PARP12: variants seen among roughly 807,000 people sequenced by gnomAD.
The protein encoded by PARP12 is poly(ADP-ribose) polymerase family member 12.
In PARP12, 59 loss-of-function variants were observed where a neutral mutation model predicts 72.4. The observed-to-expected ratio is 0.81, with a 90% CI of 0.66 to 1.01. The LOEUF (loss-of-function observed/expected upper bound fraction) is 1.01. Among genes scored for constraint, PARP12 ranks in the 50% least tolerant of loss-of-function variants. The probability of loss-of-function intolerance (pLI) is 0.00; values close to 1 mark genes in which losing one functional copy is unlikely to be tolerated. For missense variants in PARP12, 851 were observed against 914.0 expected, an observed-to-expected ratio of 0.93 and a Z score of 0.89; for synonymous variants, 403 against 371.4, an observed-to-expected ratio of 1.09 and a Z score of -0.98.
At chr7:140,039,258 A>G (rs1267710099) in intron 6 of PARP12, among the ~76,000 whole-genome samples, 2 of 152,130 alleles carry the variant, frequency 1.3e-5, no homozygotes, top group East Asian at 3.8e-4. Context: ...AAAGAAAACA[A>G]TCCCTCCCCT....
chr7:140,035,561 T>C (rs1219952651), intron 7 of PARP12, among the ~76,000 whole-genome samples: 1 of 152,224 alleles, frequency 6.6e-6, no homozygotes, highest in Admixed American at 6.5e-5. Context: ...CCTAACAGGA[T>C]GCTAGAATTC....
In PARP12 at chr7:140,036,001, GAAGGAGGA is replaced by G. The variant is rs1569526930; in HGVS notation, c.1325-1678_1325-1671del. ...AGGAGGAGGAGGAGGAGGAGGAGGAGAAGGAGGAGAAGGAGGAGAAGGAGGAGAAGGAG... is the reference window on the plus strand; with the variant it reads ...AGGAGGAGGAGGAGGAGGAGGAGGAGGAAGGAGGAGAAGGAGGAGAAGGAG... On this transcript the variant is annotated intron_variant, in intron 7 of 11. Transcript: ENST00000263549. Among the ~76,000 whole-genome samples the G allele has an allele frequency of 4.4e-3, 134 of 30,550 alleles. 34 individuals carry two copies. Among genetic ancestry groups the G allele is most frequent in the African/African-American group, 0.035 (129 of 3,660 alleles). The allele number at this position is 30,550 out of a possible 152,430, so 20.0% of individuals were successfully genotyped here.
chr7:140,031,957 C>T (rs1056208900), intron 8 of PARP12, among the ~76,000 whole-genome samples: 1 of 151,964 alleles, frequency 6.6e-6, no homozygotes, highest in Non-Finnish European at 1.5e-5. Flanking sequence ...AAAAGGCAAA[C>T]AACAAACTAA....
intron 4 of PARP12, 66 bp downstream of exon 4, chr7:140,054,596 C>G (rs746703709): frequency 7.8e-5 from 104 of 1,335,492 alleles, no homozygotes; most frequent in Non-Finnish European, 1.1e-4. Context: ...CTTCAGAGCA[C>G]AGCTCTGGGA....
chr7:140,036,031 GGAGGAGAAGGAGGAGA>G (rs1816178740), intron 7 of PARP12, among the ~76,000 whole-genome samples: 1 of 96,660 alleles, frequency 1.0e-5, no homozygotes. Context: ...AGGAGGAGAA[GGAGGAGAAGGAGGAGA>G]AGGAGGAGAA....
chr7:140,062,104 T>A (rs764315325), intron 1 of PARP12, among the ~76,000 whole-genome samples: 4 of 151,388 alleles, frequency 2.6e-5, no homozygotes, highest in Non-Finnish European at 4.4e-5. Flanking sequence ...ATTAATAGGG[T>A]TGAACTGGGT....
intron 7 of PARP12, among the ~76,000 whole-genome samples, chr7:140,035,667 C>T (rs1165213272): frequency 1.3e-5 from 2 of 152,206 alleles, no homozygotes; most frequent in Non-Finnish European, 2.9e-5. Context: ...TTCAGAACAA[C>T]TCATTTGGGC....
Position 140,023,968 on chromosome 7 carries a change from C to T in PARP12, c.*592G>A, listed in dbSNP as rs890855512. ...ACTTCCTTGGGCAATGGGTGACCCT[C>T]CCAGGACAAGGGGAACCAGCAGGGA... On this transcript the variant is annotated 3_prime_UTR_variant, in exon 12 of 12. Coordinates refer to ENST00000263549, the MANE Select transcript of PARP12 (RefSeq NM_022750.4). 1 of 165,674 alleles carries T rather than the reference C, an allele frequency of 6.0e-6. No homozygotes were observed. Among genetic ancestry groups the T allele is most frequent in the African/African-American group, 2.4e-5 (1 of 41,550 alleles). The allele number at this position is 165,674 out of a possible 1,614,324, so 10.3% of individuals were successfully genotyped here. A position where few individuals can be genotyped will look rare whatever the true frequency, so the allele number is the denominator to read the frequency against.
At chr7:140,032,773 T>C (rs1401419725) in intron 8 of PARP12, among the ~76,000 whole-genome samples, 1 of 152,140 alleles carries the variant, frequency 6.6e-6, no homozygotes, top group African/African-American at 2.4e-5. Flanking sequence ...TATGTATGTA[T>C]GCAAATGCTT....
chr7:140,026,151 G>C, intron 11 of PARP12, 46 bp downstream of exon 11: 1 of 1,613,730 alleles, frequency 6.2e-7, no homozygotes, highest in Non-Finnish European at 8.5e-7. Context: ...CCTATGCAGG[G>C]GCAAAGCAAC....
At chr7:140,054,140 G>T (rs6946039) in intron 4 of PARP12, among the ~76,000 whole-genome samples, 14 of 152,358 alleles carry the variant, frequency 9.2e-5, no homozygotes, top group African/African-American at 3.1e-4. Flanking sequence ...AATACAGACA[G>T]GCACATGCAC....
In PARP12 at chr7:140,036,017, GAGAAGGAGGAGAAGGAGGAGA is replaced by G. The variant is rs1816175411; in HGVS notation, c.1324+1677_1325-1687del. On this transcript the variant is annotated intron_variant, in intron 7 of 11. Transcript: ENST00000263549. ...GGAGGAGGAGAAGGAGGAGAAGGAG[GAGAAGGAGGAGAAGGAGGAGA>G]AGGAGGAGAAGGAGGAGAAGGAGGA... 2.6e-4 allele frequency among the ~76,000 whole-genome samples: 15 copies of G among 57,372 alleles called. 3 individuals carry two copies. The highest frequency in any genetic ancestry group is 1.6e-3 in the African/African-American group (13 of 8,328). The allele number at this position is 57,372 out of a possible 152,430, so 37.6% of individuals were successfully genotyped here.
intron 4 of PARP12, among the ~76,000 whole-genome samples, chr7:140,047,765 G>A (rs1448328794): frequency 1.3e-5 from 2 of 151,994 alleles, no homozygotes; most frequent in African/African-American, 2.4e-5. Flanking sequence ...TTACAGGTGT[G>A]CACCACCACA....
intron 8 of PARP12, among the ~76,000 whole-genome samples, chr7:140,032,244 C>A (rs946690303): frequency 3.3e-5 from 5 of 152,004 alleles, no homozygotes; most frequent in African/African-American, 1.2e-4. Flanking sequence ...GCATCTCATG[C>A]GTCCTAGTGG....
At chr7:140,058,066 G>A (rs757181879) in intron 1 of PARP12, 32 bp from the exon 2 acceptor site, 18 of 1,612,594 alleles carry the variant, frequency 1.1e-5, no homozygotes, top group East Asian at 6.7e-5. Flanking sequence ...GTTATATGTC[G>A]AATTGAGTCT....
chr7:140,030,096 CA>C (rs1481059508), intron 8 of PARP12, among the ~76,000 whole-genome samples: 2 of 152,116 alleles, frequency 1.3e-5, no homozygotes, highest in Non-Finnish European at 2.9e-5. Context: ...TGCCTACCTC[CA>C]AGACAAACAG....
chr7:140,041,348 A>G, intron 6 of PARP12: 1 of 272,792 alleles, frequency 3.7e-6, no homozygotes, highest in Admixed American at 4.8e-5. Flanking sequence ...CAACAAGAGA[A>G]ACATCTTTCT....
chr7:140,055,524 T>G (rs747745995), intron 3 of PARP12, among the ~76,000 whole-genome samples: 2 of 152,252 alleles, frequency 1.3e-5, no homozygotes, highest in Non-Finnish European at 2.9e-5. Context: ...TAGTGTCACC[T>G]GTCGTTATTC....
chr7:140,058,815 G>C (rs10435198), intron 1 of PARP12, among the ~76,000 whole-genome samples: 44,345 of 152,012 alleles, frequency 0.29, 7,395 homozygotes, highest in East Asian at 0.56. Context: ...CAGCATGTAG[G>C]CTGGGTATGG....
Sources: gnomAD v4.1 joint callset for allele counts (sites outside exome capture counted in the v4.1 genomes callset) on GRCh38, gnomAD v4.1.1 for gene constraint, MANE v1.5 for transcripts, NCBI Gene and HGNC (gene_info 2026-07-23, HGNC 2026-07-21) for gene names.